Variants in CDH13 observed in about 807,000 individuals in gnomAD.
CDH13 encodes cadherin 13, also known as cadherin-13.
Under a neutral mutation model 63.8 loss-of-function variants are expected in CDH13, and 24 were observed. The observed-to-expected ratio is 0.38, with a 90% CI of 0.27 to 0.53. The LOEUF is 0.53. CDH13 is among the 20% of genes least tolerant of loss of function. CDH13 has a pLI of 0.85. For synonymous variants in CDH13, 503 were observed against 355.3 expected (o/e 1.42, Z -4.67); for missense variants, 1,049 against 903.1 (o/e 1.16, Z -2.07).
At chr16:83,031,886 G>A (rs7189859) in intron 2 of CDH13, 124 bp from the exon 3 acceptor site, 3 of 742,668 alleles carry the variant, frequency 4.0e-6, no homozygotes, top group African/African-American at 1.8e-5. Context: ...GGGATAAAAC[G>A]TAACATTTGT....
intron 4 of CDH13, among the ~76,000 whole-genome samples, chr16:83,200,273 A>G (rs1597504017): frequency 6.6e-6 from 1 of 152,208 alleles, no homozygotes; most frequent in South Asian, 2.1e-4. Context: ...TTTCAACCCC[A>G]GGAAGCCTGC....
chr16:83,202,184 A>T (rs2039051930), intron 4 of CDH13, among the ~76,000 whole-genome samples: 1 of 152,152 alleles, frequency 6.6e-6, no homozygotes, highest in Admixed American at 6.5e-5. Context: ...GAAAGAAATG[A>T]TCTTGCCAGG....
chr16:83,379,396 G>C (rs979387655), intron 6 of CDH13, among the ~76,000 whole-genome samples: 11 of 152,180 alleles, frequency 7.2e-5, no homozygotes, highest in Admixed American at 2.6e-4. Context: ...GATGGGTGGA[G>C]AGACGGATGA....
At chr16:83,301,548 G>T (rs2089745355) in intron 5 of CDH13, among the ~76,000 whole-genome samples, 2 of 152,270 alleles carry the variant, frequency 1.3e-5, no homozygotes, top group African/African-American at 4.8e-5. Flanking sequence ...GGAGGGAGCA[G>T]TGAAACTGGT....
chr16:82,820,454 CAG>C (rs1487038254), intron 1 of CDH13, among the ~76,000 whole-genome samples: 1 of 152,116 alleles, frequency 6.6e-6, no homozygotes, highest in Non-Finnish European at 1.5e-5. Context: ...AACTGAGGCA[CAG>C]AGAATTTAAG....
intron 4 of CDH13, among the ~76,000 whole-genome samples, chr16:83,131,060 G>C (rs1333761569): frequency 6.6e-6 from 1 of 152,100 alleles, no homozygotes; most frequent in Non-Finnish European, 1.5e-5. Flanking sequence ...TTGGTAAGTA[G>C]CTAAACTACT....
At chr16:83,732,747 G>C (rs1419245500) in intron 10 of CDH13, among the ~76,000 whole-genome samples, 1 of 152,142 alleles carries the variant, frequency 6.6e-6, no homozygotes, top group Admixed American at 6.5e-5. Flanking sequence ...TGACACCCCT[G>C]ACCTCACCAG....
At chr16:82,991,494 C>G (rs75830336) in intron 2 of CDH13, among the ~76,000 whole-genome samples, 1 of 152,282 alleles carries the variant, frequency 6.6e-6, no homozygotes, top group Non-Finnish European at 1.5e-5. Flanking sequence ...CTTGTTCAGT[C>G]TGGCTTTTCA....
intron 5 of CDH13, among the ~76,000 whole-genome samples, chr16:83,278,729 G>A (rs2089070494): frequency 6.6e-6 from 1 of 152,184 alleles, no homozygotes; most frequent in African/African-American, 2.4e-5. Context: ...TACAAGTGTG[G>A]CCAAATATGT....
At chr16:82,705,623 C>T (rs1185271336) in intron 1 of CDH13, among the ~76,000 whole-genome samples, 4 of 152,046 alleles carry the variant, frequency 2.6e-5, no homozygotes, top group Admixed American at 1.3e-4. Context: ...GGTAGGGACA[C>T]ATTTCACCAC....
chr16:83,225,113 C>A (rs148809505), intron 5 of CDH13, among the ~76,000 whole-genome samples: 66 of 152,284 alleles, frequency 4.3e-4, no homozygotes, highest in Non-Finnish European at 7.8e-4. Flanking sequence ...CGGGGTGGGT[C>A]TCTCCATCTG....
intron 2 of CDH13, among the ~76,000 whole-genome samples, chr16:82,890,574 A>C (rs1468067724): frequency 6.6e-6 from 1 of 152,072 alleles, no homozygotes; most frequent in Non-Finnish European, 1.5e-5. Context: ...GGAGTTTTCA[A>C]GGTCTTCTTA....
Position 82,651,480 on chromosome 16 carries a change from C to T in CDH13, c.45+24343C>T, listed in dbSNP as rs1475276937. Among the ~76,000 whole-genome samples the T allele has an allele frequency of 6.6e-5, 10 of 152,352 alleles. No individual in the cohort carries two copies. In the East Asian group the frequency reaches 1.9e-3, roughly 29 times the overall value. On this transcript the variant is annotated intron_variant, in intron 1 of 13. Transcript: ENST00000567109. ...GCAGAACCACGGTTTGAATCCAGGT[C>T]TTCTGACTCCATATTACTTTGATTT...
chr16:82,980,801 TC>T (rs1910159864), intron 2 of CDH13, among the ~76,000 whole-genome samples: 1 of 152,144 alleles, frequency 6.6e-6, no homozygotes, highest in Non-Finnish European at 1.5e-5. Flanking sequence ...TTCAACACAG[TC>T]AAGAAAATAT....
At chr16:82,743,563 A>C (rs1321819933) in intron 1 of CDH13, among the ~76,000 whole-genome samples, 1 of 152,216 alleles carries the variant, frequency 6.6e-6, no homozygotes, top group East Asian at 1.9e-4. Flanking sequence ...TGTTGGAACA[A>C]ATGCTCCAGC....
chr16:83,310,588 C>A (rs146708015), intron 5 of CDH13, among the ~76,000 whole-genome samples: 1 of 152,322 alleles, frequency 6.6e-6, no homozygotes, highest in Middle Eastern at 3.4e-3. Flanking sequence ...GTCCTTCACA[C>A]GTACCTGGCC....
chr16:83,191,301 G>A (rs1006118502), intron 4 of CDH13, among the ~76,000 whole-genome samples: 7 of 146,882 alleles, frequency 4.8e-5, no homozygotes, highest in African/African-American at 1.8e-4. Flanking sequence ...CACCTCTACT[G>A]CATGCTTATG....
chr16:83,759,691 C>A (rs1913802124), intron 11 of CDH13, among the ~76,000 whole-genome samples: 1 of 151,938 alleles, frequency 6.6e-6, no homozygotes, highest in Non-Finnish European at 1.5e-5. Flanking sequence ...CCTTGGGAAG[C>A]CAAGGTGGGC....
At chr16:83,568,897 T>C (rs1416146020) in intron 7 of CDH13, among the ~76,000 whole-genome samples, 1 of 152,086 alleles carries the variant, frequency 6.6e-6, no homozygotes, top group Non-Finnish European at 1.5e-5. Context: ...TTGCAGAGTC[T>C]CAGAACTGCC....
Sources: allele counts gnomAD v4.1 joint callset (sites outside exome capture counted in the v4.1 genomes callset), GRCh38; gene constraint gnomAD v4.1.1; transcripts MANE v1.5; gene names NCBI Gene and HGNC (gene_info 2026-07-23, HGNC 2026-07-21).